CALB2: variants seen among roughly 807,000 people sequenced by gnomAD.
CALB2 encodes the protein calretinin.
A neutral mutation model predicts 45.9 loss-of-function variants in CALB2; 34 were observed. That is an observed-to-expected ratio of 0.74 (90% confidence interval 0.56 to 0.99). The LOEUF (loss-of-function observed/expected upper bound fraction) is 0.99, where lower values mean the gene tolerates loss of function less well. Ranked by LOEUF, CALB2 falls within the 50% of genes least tolerant of loss-of-function variation. The probability of loss-of-function intolerance (pLI) is 0.00; values close to 1 mark genes in which losing one functional copy is unlikely to be tolerated. For missense variants in CALB2, 344 were observed against 339.3 expected (o/e 1.01, Z -0.11); for synonymous variants, 142 against 129.6 (o/e 1.10, Z -0.65).
intron 4 of CALB2, among the ~76,000 whole-genome samples, chr16:71,380,721 G>C (rs2042481348): frequency 6.6e-6 from 1 of 152,014 alleles, no homozygotes; most frequent in African/African-American, 2.4e-5. Context: ...CTGTCCCACT[G>C]TCCCCTCCTG....
chr16:71,369,180 C>T (rs12599948), intron 1 of CALB2, among the ~76,000 whole-genome samples: 55,534 of 152,020 alleles, frequency 0.37, 10,666 homozygotes, highest in Admixed American at 0.5. Context: ...TGTCCGCCGG[C>T]ATGTTTGAGG....
At chr16:71,369,750 A>C (rs1476764454) in intron 1 of CALB2, among the ~76,000 whole-genome samples, 1 of 140,112 alleles carries the variant, frequency 7.1e-6, no homozygotes, top group East Asian at 2.0e-4. Context: ...TCAGCTTTCC[A>C]CCTCCCCGTC....
intron 1 of CALB2, among the ~76,000 whole-genome samples, chr16:71,369,361 G>A (rs1412349953): frequency 3.3e-5 from 5 of 152,082 alleles, no homozygotes; most frequent in Admixed American, 3.3e-4. Context: ...ACCAGGTGTC[G>A]GTGCCTCAGC....
chr16:71,385,460 A>T (rs1031988550), intron 9 of CALB2, 117 bp from the exon 10 acceptor site: 45 of 733,916 alleles, frequency 6.1e-5, no homozygotes, highest in Admixed American at 1.4e-4. Context: ...CACGATCTGA[A>T]CACCCCCTTT....
rs61050017 is a variant in CALB2 at position 71,382,155 on chromosome 16, A to AAGGAAGGAAG, written c.343-564_343-563insAGGAAGGAAG. 2.5e-4 allele frequency among the ~76,000 whole-genome samples: 36 copies of AAGGAAGGAAG among 144,400 alleles called. 1 individual carries two copies. The East Asian group carries it at 4.8e-3, about 19-fold the overall frequency. The allele number at this position is 144,400 out of a possible 152,430, so 94.7% of individuals were successfully genotyped here. ...AGGAAGGAAAGAAGGAAGGAAGGAA[A>AAGGAAGGAAG]GAAAATAAAGGAAGGAAGGAACGAA... On this transcript the variant is annotated intron_variant, in intron 4 of 10. Transcript: ENST00000302628.
rs185711725 is a variant in CALB2, at chr16:71,366,441, G to C, written c.95-5712G>C. 9.1e-5 allele frequency among the ~76,000 whole-genome samples: 13 copies of C among 143,600 alleles called. No homozygotes were observed. The South Asian group carries it at 2.9e-3, about 32-fold the overall frequency. 94.2% of individuals were successfully genotyped at this position (143,600 alleles called of 152,430 possible). ...CGCCTCCTGGGTTCAAGCAATTCTCGTGCCTCAGCCTCCCAAGTAGCTGGG... is the reference window on the plus strand; with the variant it reads ...CGCCTCCTGGGTTCAAGCAATTCTCCTGCCTCAGCCTCCCAAGTAGCTGGG... On this transcript the variant is annotated intron_variant, in intron 1 of 10. Transcript: ENST00000302628.
chr16:71,383,295 G>T, intron 5 of CALB2, 72 bp from the exon 6 acceptor site: 1 of 1,337,550 alleles, frequency 7.5e-7, no homozygotes, highest in South Asian at 1.2e-5. Flanking sequence ...CTGTCTGAAT[G>T]AGCAAGTAAG....
At chr16:71,378,035 C>A (rs1200634613) in intron 4 of CALB2, among the ~76,000 whole-genome samples, 2 of 152,178 alleles carry the variant, frequency 1.3e-5, no homozygotes, top group Non-Finnish European at 2.9e-5. Context: ...CCAGCCTGGC[C>A]AACATGGCAA....
At chr16:71,374,897 C>A in intron 3 of CALB2, 63 bp downstream of exon 3, 1 of 1,096,114 alleles carries the variant, frequency 9.1e-7, no homozygotes, top group Non-Finnish European at 1.4e-6. Context: ...GTGCCTCTCC[C>A]AGGCATGAGC....
At chr16:71,358,987 T>C in intron 1 of CALB2, 101 bp downstream of exon 1, 1 of 1,025,734 alleles carries the variant, frequency 9.7e-7, no homozygotes, top group Non-Finnish European at 1.5e-6. Context: ...ACGTTTGCCC[T>C]CAGGAGGTGG....
chr16:71,385,363 C>T (rs898061948), intron 9 of CALB2: 8 of 479,684 alleles, frequency 1.7e-5, no homozygotes, highest in African/African-American at 7.8e-5. Context: ...AAAAGCACCA[C>T]AATGAAAGGC....
chr16:71,387,600 T>C (rs1360010790), intron 10 of CALB2, among the ~76,000 whole-genome samples: 1 of 152,174 alleles, frequency 6.6e-6, no homozygotes, highest in African/African-American at 2.4e-5. Flanking sequence ...ACTTCAGTAT[T>C]TCTTAGCACT....
chr16:71,388,290 C>T (rs766173292), intron 10 of CALB2, among the ~76,000 whole-genome samples: 7 of 141,412 alleles, frequency 5.0e-5, no homozygotes, highest in South Asian at 2.2e-4. Flanking sequence ...GCTGTGATCA[C>T]GCCATTGCAT....
intron 5 of CALB2, 28 bp from the exon 6 acceptor site, chr16:71,383,338 GA>G (rs778004370): frequency 6.2e-7 from 1 of 1,600,406 alleles, no homozygotes; most frequent in South Asian, 1.1e-5. Flanking sequence ...CACGAGTCAG[GA>G]GTACTAAAGA....
At chr16:71,389,187 C>CAAAATAAAAAAAATAAAA (rs71389655) in intron 10 of CALB2, among the ~76,000 whole-genome samples, 1 of 150,102 alleles carries the variant, frequency 6.7e-6, no homozygotes, top group Admixed American at 6.7e-5. Context: ...GACTCCGCCT[C>CAAAATAAAAAAAATAAAA]AAAATAAAAA....
intron 1 of CALB2, among the ~76,000 whole-genome samples, chr16:71,363,182 CTTT>C (rs2042251147): frequency 6.6e-6 from 1 of 152,166 alleles, no homozygotes; most frequent in Non-Finnish European, 1.5e-5. Context: ...CAGACCCTAT[CTTT>C]AAAAAAATAA....
chr16:71,371,042 C>T (rs2042345032), intron 1 of CALB2, among the ~76,000 whole-genome samples: 1 of 152,200 alleles, frequency 6.6e-6, no homozygotes, highest in Non-Finnish European at 1.5e-5. Flanking sequence ...GGTAATGGAA[C>T]TCAGTAACAA....
intron 3 of CALB2, 111 bp downstream of exon 3, chr16:71,374,945 G>T: frequency 1.5e-6 from 1 of 687,650 alleles, no homozygotes; most frequent in South Asian, 1.7e-5. Flanking sequence ...GGGCCTCAAA[G>T]CTCCTGCACC....
intron 7 of CALB2, 60 bp from the exon 8 acceptor site, chr16:71,384,279 T>G: frequency 7.1e-7 from 1 of 1,409,082 alleles, no homozygotes; most frequent in Non-Finnish European, 1.0e-6. Context: ...TGCCTTCCCC[T>G]CTCCCGCTTG....
Sources: allele counts gnomAD v4.1 joint callset (sites outside exome capture counted in the v4.1 genomes callset), GRCh38; gene constraint gnomAD v4.1.1; transcripts MANE v1.5; gene names NCBI Gene and HGNC (gene_info 2026-07-23, HGNC 2026-07-21).